Variants in EIPR1 observed in about 807,000 individuals in gnomAD.
EIPR1 encodes the protein EARP and GARP complex-interacting protein 1.
In EIPR1, 25 loss-of-function variants were observed where a neutral mutation model predicts 48.1. The ratio of observed to expected loss-of-function variants is 0.52; its 90% confidence interval spans 0.38 to 0.73. The LOEUF (loss-of-function observed/expected upper bound fraction) is 0.73. Among genes scored for constraint, EIPR1 ranks in the 30% least tolerant of loss-of-function variants. The pLI, the probability that EIPR1 is intolerant of heterozygous loss-of-function variation, is 0.00. For synonymous variants in EIPR1, 204 were observed against 201.9 expected, an observed-to-expected ratio of 1.01 and a Z score of -0.09; for missense variants, 415 against 506.2, an observed-to-expected ratio of 0.82 and a Z score of 1.73.
At chr2:3,242,831 C>G (rs1021330687) in intron 4 of EIPR1, among the ~76,000 whole-genome samples, 5 of 152,192 alleles carry the variant, frequency 3.3e-5, no homozygotes, top group South Asian at 4.1e-4. Context: ...ACAGACTTGG[C>G]AATGTGGTTA....
intron 3 of EIPR1, among the ~76,000 whole-genome samples, chr2:3,309,886 G>T (rs1669069348): frequency 6.6e-6 from 1 of 152,210 alleles, no homozygotes; most frequent in Admixed American, 6.5e-5. Flanking sequence ...AGAGACGGTG[G>T]TGTGGGTAGG....
At chr2:3,352,842 C>T (rs1430808560) in intron 2 of EIPR1, among the ~76,000 whole-genome samples, 1 of 152,134 alleles carries the variant, frequency 6.6e-6, no homozygotes, top group Non-Finnish European at 1.5e-5. Flanking sequence ...ACTAAAAATA[C>T]AAAAATTAGC....
intron 5 of EIPR1, among the ~76,000 whole-genome samples, chr2:3,210,475 C>T (rs1283986402): frequency 6.6e-6 from 1 of 152,140 alleles, no homozygotes; most frequent in African/African-American, 2.4e-5. Flanking sequence ...GGAGCTGTCC[C>T]TGAACACCCC....
intron 2 of EIPR1, chr2:3,353,407 C>T (rs575270923): frequency 2.3e-6 from 1 of 431,326 alleles, no homozygotes; most frequent in East Asian, 7.1e-5. Context: ...CCCACCAAAT[C>T]ATCTAACGAT....
chr2:3,365,698 C>G (rs3860485), intron 1 of EIPR1, among the ~76,000 whole-genome samples: 1 of 148,180 alleles, frequency 6.7e-6, no homozygotes, highest in African/African-American at 2.5e-5. Context: ...CTTAACGAGC[C>G]TGCTGCCTTC....
chr2:3,222,490 G>A (rs1044439381), intron 4 of EIPR1, among the ~76,000 whole-genome samples: 2 of 151,778 alleles, frequency 1.3e-5, no homozygotes, highest in Non-Finnish European at 2.9e-5. Flanking sequence ...GCAAAAAAAG[G>A]CTTAAAGACT....
intron 4 of EIPR1, among the ~76,000 whole-genome samples, chr2:3,226,711 G>C (rs903027199): frequency 6.6e-6 from 1 of 152,146 alleles, no homozygotes; most frequent in African/African-American, 2.4e-5. Flanking sequence ...GGTTTGGCTT[G>C]GTGTTCTCAC....
intron 1 of EIPR1, among the ~76,000 whole-genome samples, chr2:3,375,249 A>C (rs1572497421): frequency 1.2e-5 from 1 of 86,208 alleles, no homozygotes; most frequent in East Asian, 4.0e-4. Flanking sequence ...GGGAGGGGGG[A>C]GGGATAGCAT....
chr2:3,362,664 AG>A (rs1670878673), intron 1 of EIPR1, among the ~76,000 whole-genome samples: 2 of 150,626 alleles, frequency 1.3e-5, no homozygotes, highest in Non-Finnish European at 3.0e-5. Flanking sequence ...AAAAAAAAAA[AG>A]GAGAAGAAAA....
intron 5 of EIPR1, 44 bp from the exon 6 acceptor site, chr2:3,197,061 A>G: frequency 6.2e-7 from 1 of 1,609,340 alleles, no homozygotes; most frequent in Non-Finnish European, 8.5e-7. Flanking sequence ...GAAAAGAAGA[A>G]GAATGTGAAG....
chr2:3,271,286 A>G (rs1667694839), intron 3 of EIPR1, among the ~76,000 whole-genome samples: 1 of 152,208 alleles, frequency 6.6e-6, no homozygotes, highest in Non-Finnish European at 1.5e-5. Context: ...ATTAATGTCA[A>G]TATTCTGACC....
At chr2:3,280,662 T>G (rs527550636) in intron 3 of EIPR1, among the ~76,000 whole-genome samples, 1 of 152,314 alleles carries the variant, frequency 6.6e-6, no homozygotes, top group Non-Finnish European at 1.5e-5. Flanking sequence ...AGGCCTGTTT[T>G]GTTCAGGGGA....
chr2:3,235,882 T>C (rs924665903), intron 4 of EIPR1, among the ~76,000 whole-genome samples: 1 of 152,204 alleles, frequency 6.6e-6, no homozygotes, highest in East Asian at 1.9e-4. Flanking sequence ...ACCTGACCAT[T>C]GCATCCTAAG....
intron 4 of EIPR1, among the ~76,000 whole-genome samples, chr2:3,222,362 T>C (rs1665923327): frequency 6.6e-6 from 1 of 152,254 alleles, no homozygotes; most frequent in African/African-American, 2.4e-5. Flanking sequence ...GATATACTTC[T>C]CTATGAAAAA....
intron 3 of EIPR1, among the ~76,000 whole-genome samples, chr2:3,333,609 T>G (rs960734558): frequency 2.6e-5 from 4 of 151,992 alleles, no homozygotes; most frequent in Non-Finnish European, 5.9e-5. Flanking sequence ...GATATGGTAG[T>G]GCATACCTGT....
intron 4 of EIPR1, among the ~76,000 whole-genome samples, chr2:3,253,286 T>C (rs780294365): frequency 4.6e-5 from 7 of 152,168 alleles, no homozygotes; most frequent in South Asian, 2.1e-4. Flanking sequence ...ACCAAACCCA[T>C]GTATTTCTTA....
At position 3,265,233 on chromosome 2, in the gene EIPR1, A is replaced by T. The variant is rs780780855; in HGVS notation, c.260-7778T>A. Among the ~76,000 whole-genome samples, 14 of 107,084 alleles carry T rather than the reference A, an allele frequency of 1.3e-4. 1 individual carries two copies. The highest frequency in any genetic ancestry group is 2.3e-4 in the Non-Finnish European group (12 of 51,412). The allele number at this position is 107,084 out of a possible 152,430, so 70.3% of individuals were successfully genotyped here. ...AGGTGTCTCTGGCATCGTCACCCAAAAAAATGAACGAAGCTGCACACGTTG... is the reference window on the plus strand; with the variant it reads ...AGGTGTCTCTGGCATCGTCACCCAATAAAATGAACGAAGCTGCACACGTTG... On this transcript the variant is annotated intron_variant, in intron 3 of 8. Coordinates refer to ENST00000382125, the MANE Select transcript of EIPR1 (RefSeq NM_003310.5).
intron 3 of EIPR1, among the ~76,000 whole-genome samples, chr2:3,269,409 A>G (rs111206504): frequency 0.043 from 1,153 of 27,062 alleles, 350 homozygotes; most frequent in East Asian, 0.14. Context: ...ATCGCACTCA[A>G]TCATCGCACT....
chr2:3,283,832 T>A (rs1487738586), intron 3 of EIPR1, among the ~76,000 whole-genome samples: 3 of 150,550 alleles, frequency 2.0e-5, no homozygotes, highest in Middle Eastern at 3.5e-3. Context: ...AAATCCCAGC[T>A]ACTCAGAGGA....
Sources: allele counts gnomAD v4.1 joint callset (sites outside exome capture counted in the v4.1 genomes callset), GRCh38; gene constraint gnomAD v4.1.1; transcripts MANE v1.5; gene names NCBI Gene and HGNC (gene_info 2026-07-23, HGNC 2026-07-21).